Variants in PRKAR1B observed in about 807,000 individuals in gnomAD.
The protein encoded by PRKAR1B is protein kinase cAMP-dependent type I regulatory subunit beta, also known as cAMP-dependent protein kinase type I-beta regulatory subunit.
PRKAR1B carries 22 observed loss-of-function variants against 46.5 expected under a neutral mutation model. The ratio of observed to expected loss-of-function variants is 0.47; its 90% CI spans 0.34 to 0.68. The LOEUF is 0.68. PRKAR1B is among the 30% of genes least tolerant of loss of function. The pLI is 0.01. For missense variants in PRKAR1B, 445 were observed against 535.6 expected (o/e 0.83, Z 1.67); for synonymous variants, 259 against 217.7 (o/e 1.19, Z -1.67).
At chr7:698,321 C>T (rs184406842) in intron 2 of PRKAR1B, among the ~76,000 whole-genome samples, 1 of 152,158 alleles carries the variant, frequency 6.6e-6, no homozygotes, top group East Asian at 1.9e-4. Flanking sequence ...CCCAGTGAGG[C>T]TAGGGGCAGA....
At chr7:597,596 G>A (rs996616707) in intron 6 of PRKAR1B, among the ~76,000 whole-genome samples, 23 of 152,336 alleles carry the variant, frequency 1.5e-4, no homozygotes, top group African/African-American at 4.3e-4. Context: ...GCGCGTGCAG[G>A]GATACGTGGA....
rs1778975862 is a variant in PRKAR1B at position 563,912 on chromosome 7, T to C, written c.892-12442A>G. ...ATGTGCATGTGTGCACACGTGTGCA[T>C]GGGTGAGTATGTGCGTTGGTGTGCA... is the stretch of plus-strand genomic sequence containing the variant. On this transcript the variant is annotated intron_variant, in intron 9 of 10. Transcript: ENST00000537384. Among the ~76,000 whole-genome samples, 3 of 152,028 alleles carry C rather than the reference T, an allele frequency of 2.0e-5. No individual in the cohort carries two copies. In the South Asian group the frequency reaches 6.2e-4, roughly 32 times the overall value.
chr7:652,925 G>C (rs541225716), intron 4 of PRKAR1B, among the ~76,000 whole-genome samples: 1 of 152,344 alleles, frequency 6.6e-6, no homozygotes, highest in African/African-American at 2.4e-5. Flanking sequence ...TGTTGGCTGG[G>C]ATGGCTGATT....
At chr7:622,273 C>T (rs1335056902) in intron 4 of PRKAR1B, among the ~76,000 whole-genome samples, 1 of 152,232 alleles carries the variant, frequency 6.6e-6, no homozygotes, top group Non-Finnish European at 1.5e-5. Context: ...CCTGCCAAGG[C>T]TGGGCATGCA....
rs373225641 is a variant in PRKAR1B at position 716,602 on chromosome 7, A to C, written c.-22-5075T>G. 6 of 152,356 alleles carry C rather than the reference A, an allele frequency of 3.9e-5. No individual in the cohort carries two copies. In the East Asian group the frequency reaches 5.8e-4, roughly 15 times the overall value. The allele number at this position is 152,356 out of a possible 1,614,324, so 9.4% of individuals were successfully genotyped here. A position where few individuals can be genotyped will look rare whatever the true frequency, so the allele number is the denominator to read the frequency against. Reference sequence around the variant, plus strand: ...CTGTCTCCCCTGCTAGGTCAAAAGCACCAAGTATGCATGGATGGTGTTTGT... The same window carrying C: ...CTGTCTCCCCTGCTAGGTCAAAAGCCCCAAGTATGCATGGATGGTGTTTGT... On this transcript the variant is annotated intron_variant, in intron 1 of 10. Coordinates refer to ENST00000537384, the MANE Select transcript of PRKAR1B (RefSeq NM_001164760.2).
At chr7:691,822 G>A (rs1160472483) in intron 2 of PRKAR1B, 21 of 1,181,840 alleles carry the variant, frequency 1.8e-5, no homozygotes, top group Non-Finnish European at 2.1e-5. Flanking sequence ...TGAACTCCCT[G>A]CCAAGTAAAC....
rs992683667 is a variant in PRKAR1B, at chr7:673,045, TAAAAAAAAAAAAAAAAAAAAAA to T, written c.440+4162_440+4183del. Among the ~76,000 whole-genome samples the T allele has an allele frequency of 1.5e-4, 4 of 26,552 alleles. No individual in the cohort carries two copies. In the South Asian group the frequency reaches 0.014, roughly 96 times the overall value. 17.4% of individuals were successfully genotyped at this position (26,552 alleles called of 152,430 possible). Reference sequence around the variant, plus strand: ...GGGTGAGAGAGTAAGGCCTTGTCTTTAAAAAAAAAAAAAAAAAAAAAAAAAAAAAAAAACACACACACACAGA... The same window carrying T: ...GGGTGAGAGAGTAAGGCCTTGTCTTTAAAAAAAAAAACACACACACACAGA... On this transcript the variant is annotated intron_variant, in intron 4 of 10. Transcript: ENST00000537384.
intron 2 of PRKAR1B, among the ~76,000 whole-genome samples, chr7:685,347 TGTATAC>T (rs1779015191): frequency 3.0e-5 from 2 of 66,358 alleles, no homozygotes; most frequent in African/African-American, 1.2e-4. Flanking sequence ...CGTATATATA[TGTATAC>T]ATATATATAT....
intron 2 of PRKAR1B, among the ~76,000 whole-genome samples, chr7:682,303 T>G (rs1176315573): frequency 1.3e-5 from 2 of 152,186 alleles, no homozygotes; most frequent in Non-Finnish European, 2.9e-5. Context: ...AAGAAGAGAC[T>G]TCAGGCCAAG....
chr7:556,833 G>A (rs1778474801), intron 9 of PRKAR1B, among the ~76,000 whole-genome samples: 1 of 152,218 alleles, frequency 6.6e-6, no homozygotes, highest in South Asian at 2.1e-4. Context: ...CTGGAATGGA[G>A]AGGGGGACGC....
chr7:643,701 G>A (rs907990280), intron 4 of PRKAR1B, among the ~76,000 whole-genome samples: 22 of 151,488 alleles, frequency 1.5e-4, no homozygotes, highest in East Asian at 3.9e-4. Context: ...CAGCCTGGGC[G>A]ACAGAGCGAG....
At chr7:631,654 A>G (rs1029666631) in intron 4 of PRKAR1B, among the ~76,000 whole-genome samples, 30 of 151,784 alleles carry the variant, frequency 2.0e-4, no homozygotes, top group Admixed American at 6.6e-4. Flanking sequence ...ATCCTGTGAG[A>G]CTCCAAAAGA....
At chr7:583,610 TCA>T (rs1780406103) in intron 8 of PRKAR1B, among the ~76,000 whole-genome samples, 2 of 48,988 alleles carry the variant, frequency 4.1e-5, no homozygotes, top group South Asian at 4.6e-4. Flanking sequence ...ACACACCCCC[TCA>T]CACGTGCACA....
intron 7 of PRKAR1B, among the ~76,000 whole-genome samples, chr7:589,544 T>C (rs770869814): frequency 2.0e-5 from 3 of 152,090 alleles, no homozygotes; most frequent in Non-Finnish European, 4.4e-5. Flanking sequence ...GAGCCTACTA[T>C]TATCTCCACT....
intron 4 of PRKAR1B, among the ~76,000 whole-genome samples, chr7:638,757 C>G (rs568226034): frequency 6.6e-6 from 1 of 152,338 alleles, no homozygotes; most frequent in Non-Finnish European, 1.5e-5. Context: ...TCAACACACA[C>G]TCTTACAACT....
At chr7:622,941 C>G (rs1220352535) in intron 4 of PRKAR1B, among the ~76,000 whole-genome samples, 1 of 152,134 alleles carries the variant, frequency 6.6e-6, no homozygotes, top group South Asian at 2.1e-4. Flanking sequence ...TGGGGAAGAA[C>G]CTCTCTCCAT....
chr7:684,360 GATGGA>G (rs776270372), intron 2 of PRKAR1B, among the ~76,000 whole-genome samples: 50 of 152,360 alleles, frequency 3.3e-4, no homozygotes, highest in Admixed American at 9.1e-4. Flanking sequence ...AAAAATGGCA[GATGGA>G]AAGTGCACGT....
At chr7:619,827 T>C (rs1339244561) in intron 4 of PRKAR1B, among the ~76,000 whole-genome samples, 1 of 151,838 alleles carries the variant, frequency 6.6e-6, no homozygotes, top group Non-Finnish European at 1.5e-5. Flanking sequence ...CTTTCCTTTT[T>C]CTTTCTGTTG....
At chr7:559,648 G>A (rs745321703) in intron 9 of PRKAR1B, among the ~76,000 whole-genome samples, 14 of 152,306 alleles carry the variant, frequency 9.2e-5, no homozygotes, top group East Asian at 1.9e-4. Context: ...TATGCGGGAC[G>A]CCACACGCGT....
Sources: gnomAD v4.1 joint callset for allele counts (sites outside exome capture counted in the v4.1 genomes callset) on GRCh38, gnomAD v4.1.1 for gene constraint, MANE v1.5 for transcripts, NCBI Gene and HGNC (gene_info 2026-07-23, HGNC 2026-07-21) for gene names.